The following CDCA7L variants were observed in gnomAD, a reference collection of about 807,000 sequenced individuals.
CDCA7L encodes the protein cell division cycle associated 7 like, also known as cell division cycle-associated 7-like protein.
CDCA7L carries 44 observed loss-of-function variants against 57.4 expected under a neutral mutation model. The observed-to-expected ratio is 0.77, with a 90% CI of 0.60 to 0.98. The LOEUF is 0.98. CDCA7L is among the 50% of genes least tolerant of loss of function. The pLI is 0.00. For missense variants in CDCA7L, 644 were observed against 580.6 expected (o/e 1.11, Z -1.12); for synonymous variants, 236 against 202.8 (o/e 1.16, Z -1.39).
chr7:21,922,527 C>T (rs1252318813), intron 1 of CDCA7L, among the ~76,000 whole-genome samples: 3 of 152,184 alleles, frequency 2.0e-5, no homozygotes, highest in East Asian at 1.9e-4. Flanking sequence ...CATCTACAGA[C>T]TGGATCTCAA....
Position 21,945,459 on chromosome 7 carries a change from C to T in CDCA7L, c.24+322G>A, listed in dbSNP as rs114256783. On this transcript the variant is annotated intron_variant, in intron 1 of 9. Transcript: ENST00000406877. ...CACAAAAAAAGCCCCTCCCCCGTCT[C>T]ACGAGGGCTGCAAACGCAGGCGCTG... is the stretch of plus-strand genomic sequence containing the variant. Among the ~76,000 whole-genome samples the T allele has an allele frequency of 4.4e-3, 668 of 152,284 alleles. 3 individuals carry two copies. Among genetic ancestry groups the T allele is most frequent in the African/African-American group, 0.015 (633 of 41,550 alleles).
rs1785598263 is a variant in CDCA7L, at chr7:21,919,837, G to A, written c.25-2943C>T. 3.9e-5 allele frequency among the ~76,000 whole-genome samples: 6 copies of A among 152,142 alleles called. No homozygotes were observed. In the South Asian group the frequency reaches 1.2e-3, roughly 31 times the overall value. On this transcript the variant is annotated intron_variant, in intron 1 of 9. Transcript: ENST00000406877. Reference sequence around the variant, plus strand: ...AAACAGTGCAGTTCAAGATTTCTTTGCAGTTCTTTCTAGCCCTGGAACATA... The same window carrying A: ...AAACAGTGCAGTTCAAGATTTCTTTACAGTTCTTTCTAGCCCTGGAACATA...
chr7:21,921,335 G>C (rs989463760), intron 1 of CDCA7L, among the ~76,000 whole-genome samples: 4 of 73,978 alleles, frequency 5.4e-5, no homozygotes, highest in African/African-American at 2.2e-4. Flanking sequence ...CAAGCTTCAA[G>C]ATTTGCCAAA....
intron 1 of CDCA7L, among the ~76,000 whole-genome samples, chr7:21,919,729 T>G (rs780859635): frequency 1.4e-4 from 22 of 152,212 alleles, no homozygotes; most frequent in Admixed American, 6.5e-5. Flanking sequence ...CCAAAATTTT[T>G]AATATACTTA....
chr7:21,913,998 T>C (rs888461444), intron 2 of CDCA7L, among the ~76,000 whole-genome samples: 9 of 152,222 alleles, frequency 5.9e-5, no homozygotes, highest in African/African-American at 2.2e-4. Flanking sequence ...CTGGCACTGG[T>C]TCATTCATCT....
intron 6 of CDCA7L, among the ~76,000 whole-genome samples, chr7:21,906,054 C>T (rs1241230686): frequency 6.6e-6 from 1 of 152,084 alleles, no homozygotes; most frequent in Admixed American, 6.5e-5. Context: ...AGCTGCTTCT[C>T]AGCTCGGCTT....
At position 21,945,898 on chromosome 7, in the gene CDCA7L, G is replaced by A; in HGVS notation, c.-94C>T. The A allele has an allele frequency of 9.5e-6, 13 of 1,374,030 alleles. No individual in the cohort carries two copies. Among genetic ancestry groups the A allele is most frequent in the Non-Finnish European group, 1.3e-5 (13 of 1,023,812 alleles). 85.1% of individuals were successfully genotyped at this position (1,374,030 alleles called of 1,614,324 possible). On this transcript the variant is annotated 5_prime_UTR_variant, in exon 1 of 10. Transcript: ENST00000406877. ...CGCACCAAGAACGCCCCGCGCCCGA[G>A]CAGCTAGCGCGCTCCGCCCGGAGCA...
At chr7:21,902,733 G>A in intron 9 of CDCA7L, 1 of 506,770 alleles carries the variant, frequency 2.0e-6, no homozygotes, top group Non-Finnish European at 3.5e-6. Flanking sequence ...TACACCTCAA[G>A]GAGAAATTTT....
intron 1 of CDCA7L, among the ~76,000 whole-genome samples, chr7:21,933,163 G>A (rs866696864): frequency 2.0e-5 from 3 of 152,158 alleles, no homozygotes; most frequent in Non-Finnish European, 4.4e-5. Context: ...AGATGCTGGA[G>A]GGGATGTGGA....
In CDCA7L at chr7:21,908,346, G is replaced by C. The variant is rs148205645; in HGVS notation, c.465C>G (p.Asn155Lys). Residue 155 changes from asparagine (N) to lysine (K), a missense_variant, in exon 4 of 10, where the codon AAC (asparagine) becomes AAG (lysine). Asn to Lys is a moderately conservative substitution (Grantham distance 94). Transcript: ENST00000406877. Reference sequence around the variant, plus strand: ...CGGAAGAACTGTTTTTATCTGGTTTGTTGGCCAGCTTCTTGGTGGGGAACT... The same window carrying C: ...CGGAAGAACTGTTTTTATCTGGTTTCTTGGCCAGCTTCTTGGTGGGGAACT... ...AFQFPTKKLA[N>K]KPDKNSSSEQ... 6.2e-7 allele frequency: 1 copy of C among 1,609,014 alleles called. No individual in the cohort carries two copies. Among genetic ancestry groups the C allele is most frequent in the Non-Finnish European group, 8.5e-7 (1 of 1,178,766 alleles).
chr7:21,913,406 G>C (rs1785392364), intron 2 of CDCA7L, among the ~76,000 whole-genome samples: 2 of 152,162 alleles, frequency 1.3e-5, no homozygotes, highest in Non-Finnish European at 2.9e-5. Context: ...AGGGAGACCA[G>C]AGTTAGCATA....
intron 4 of CDCA7L, among the ~76,000 whole-genome samples, chr7:21,907,232 TAAAGA>T (rs1219634473): frequency 6.6e-6 from 1 of 152,132 alleles, no homozygotes; most frequent in Non-Finnish European, 1.5e-5. Flanking sequence ...AAAAAAATCA[TAAAGA>T]AAATAGCTTA....
At chr7:21,943,255 A>G (rs1379532063) in intron 1 of CDCA7L, among the ~76,000 whole-genome samples, 1 of 152,246 alleles carries the variant, frequency 6.6e-6, no homozygotes, top group African/African-American at 2.4e-5. Context: ...ATCAAATCCA[A>G]CACACTGGTG....
At chr7:21,902,472 C>T (rs1033063431) in intron 9 of CDCA7L, 120 bp from the exon 10 acceptor site, 143 of 954,760 alleles carry the variant, frequency 1.5e-4, no homozygotes, top group African/African-American at 1.1e-3. Flanking sequence ...TCCTGACACT[C>T]GAAATCCTGA....
At chr7:21,906,665 T>A in intron 4 of CDCA7L, 26 bp from the exon 5 acceptor site, 2 of 1,611,972 alleles carry the variant, frequency 1.2e-6, no homozygotes, top group Non-Finnish European at 1.7e-6. Flanking sequence ...AAAGAAAGAA[T>A]CTTACAAAAA....
Position 21,945,361 on chromosome 7 carries a change from TA to T in CDCA7L, c.24+419del, listed in dbSNP as rs59715589. ...TTGGACTGGTCTGGCGATCGACTGT[TA>T]AAAAAAAAAAATTACAACTTTCTTA... On this transcript the variant is annotated intron_variant, in intron 1 of 9. Transcript: ENST00000406877. Among the ~76,000 whole-genome samples, 735 of 147,414 alleles carry T rather than the reference TA, an allele frequency of 5.0e-3. 5 individuals are homozygous for T. Among genetic ancestry groups the T allele is most frequent in the African/African-American group, 0.015 (593 of 40,654 alleles).
chr7:21,931,492 T>TA (rs1180796299), intron 1 of CDCA7L, among the ~76,000 whole-genome samples: 1 of 152,168 alleles, frequency 6.6e-6, no homozygotes, highest in Non-Finnish European at 1.5e-5. Flanking sequence ...TCAATAAACA[T>TA]AATCCATCAC....
intron 7 of CDCA7L, among the ~76,000 whole-genome samples, chr7:21,905,269 C>A (rs929352607): frequency 6.6e-6 from 1 of 152,002 alleles, no homozygotes; most frequent in Non-Finnish European, 1.5e-5. Flanking sequence ...TAAACTATAC[C>A]GTTCCCTTCC....
At chr7:21,903,393 G>GCAGGTCA (rs1298063659) in intron 8 of CDCA7L, among the ~76,000 whole-genome samples, 7 of 152,168 alleles carry the variant, frequency 4.6e-5, no homozygotes, top group Non-Finnish European at 5.9e-5. Flanking sequence ...GTGCGAGCAT[G>GCAGGTCA]CAGGTCACAG....
Sources: gnomAD v4.1 joint callset for allele counts (sites outside exome capture counted in the v4.1 genomes callset) on GRCh38, gnomAD v4.1.1 for gene constraint, MANE v1.5 for transcripts, NCBI Gene and HGNC (gene_info 2026-07-23, HGNC 2026-07-21) for gene names.